The following SAMD8 variants were observed in gnomAD, a reference collection of about 807,000 sequenced individuals.
SAMD8 encodes sphingomyelin synthase-related protein 1.
SAMD8 carries 20 observed loss-of-function variants against 42.0 expected under a neutral mutation model. The observed-to-expected ratio is 0.48, with a 90% CI of 0.34 to 0.69. The LOEUF (loss-of-function observed/expected upper bound fraction) is 0.69. Ranked by LOEUF, SAMD8 falls within the 30% of genes least tolerant of loss-of-function variation. The pLI is 0.01. For synonymous variants in SAMD8, 162 were observed against 173.0 expected (o/e 0.94, Z 0.50); for missense variants, 328 against 511.6 (o/e 0.64, Z 3.46).
chr10:75,162,016 C>T (rs890447241), intron 2 of SAMD8, among the ~76,000 whole-genome samples: 9 of 151,948 alleles, frequency 5.9e-5, no homozygotes, highest in Non-Finnish European at 1.3e-4. Context: ...CCAACCTGGG[C>T]AACAGAGCAA....
chr10:75,143,004 G>A (rs1840055918), intron 1 of SAMD8, among the ~76,000 whole-genome samples: 1 of 151,758 alleles, frequency 6.6e-6, no homozygotes, highest in Admixed American at 6.6e-5. Flanking sequence ...CTTACAACAA[G>A]CAAAGTTAAA....
intron 1 of SAMD8, among the ~76,000 whole-genome samples, chr10:75,101,386 C>T (rs1848147800): frequency 6.6e-6 from 1 of 152,202 alleles, no homozygotes; most frequent in Non-Finnish European, 1.5e-5. Context: ...CCCTTTCCAG[C>T]CCCAGCCATA....
At chr10:75,170,770 GTTTTTTTTTTTT>G (rs34290557) in intron 4 of SAMD8, among the ~76,000 whole-genome samples, 2 of 105,218 alleles carry the variant, frequency 1.9e-5, no homozygotes, top group East Asian at 7.1e-4. Context: ...GTTTTTTTGG[GTTTTTTTTTTTT>G]TTTTTTTTTG....
At chr10:75,107,920 G>T (rs1848614340), upstream of SAMD8, 2 of 1,486,966 alleles carry the variant, frequency 1.3e-6, no homozygotes, top group South Asian at 2.6e-5. Flanking sequence ...GGGCACTGAT[G>T]ACTGAGAGGA....
chr10:75,166,048 A>T (rs1048669856), intron 3 of SAMD8, among the ~76,000 whole-genome samples: 1 of 151,894 alleles, frequency 6.6e-6, no homozygotes, highest in African/African-American at 2.4e-5. Flanking sequence ...GGTTTACTTC[A>T]GATGGTATGG....
intron 4 of SAMD8, among the ~76,000 whole-genome samples, chr10:75,174,148 C>G (rs1202385360): frequency 1.3e-5 from 2 of 152,090 alleles, no homozygotes; most frequent in African/African-American, 4.8e-5. Context: ...GAGTCTCGCT[C>G]TGTCGCCCAG....
At chr10:75,172,843 A>G (rs1171132703) in intron 4 of SAMD8, among the ~76,000 whole-genome samples, 2 of 152,018 alleles carry the variant, frequency 1.3e-5, no homozygotes, top group African/African-American at 2.4e-5. Flanking sequence ...TTTGCTGCTC[A>G]GGCTGGTCTC....
chr10:75,119,657 A>G (rs1033449522), intron 1 of SAMD8, among the ~76,000 whole-genome samples: 6 of 152,254 alleles, frequency 3.9e-5, no homozygotes, highest in Non-Finnish European at 7.3e-5. Context: ...AAGTGAAACT[A>G]CAAGAAAAAT....
At chr10:75,137,610 T>C (rs1359452277) in intron 1 of SAMD8, among the ~76,000 whole-genome samples, 3 of 150,956 alleles carry the variant, frequency 2.0e-5, no homozygotes, top group Admixed American at 2.0e-4. Context: ...CTAAGTGAAA[T>C]GAGACACAAA....
At chr10:75,141,163 C>G (rs1221454696) in intron 1 of SAMD8, among the ~76,000 whole-genome samples, 3 of 152,010 alleles carry the variant, frequency 2.0e-5, no homozygotes, top group Non-Finnish European at 2.9e-5. Context: ...GGCAACATAG[C>G]AAAACCCTGT....
chr10:75,161,529 C>A (rs1452826891), intron 2 of SAMD8, among the ~76,000 whole-genome samples: 1 of 151,112 alleles, frequency 6.6e-6, no homozygotes, highest in East Asian at 1.9e-4. Context: ...AACCAGACGT[C>A]TGAGAAAAAC....
chr10:75,159,316 C>G (rs1262719252), intron 2 of SAMD8, among the ~76,000 whole-genome samples: 1 of 152,168 alleles, frequency 6.6e-6, no homozygotes, highest in African/African-American at 2.4e-5. Flanking sequence ...TCTCAGCCCC[C>G]ACAAAGTGCA....
intron 1 of SAMD8, among the ~76,000 whole-genome samples, chr10:75,116,021 A>G (rs969711999): frequency 6.6e-6 from 1 of 151,932 alleles, no homozygotes; most frequent in African/African-American, 2.4e-5. Flanking sequence ...CCATAAAACA[A>G]TGTTTTATGA....
chr10:75,119,669 C>T (rs1318539027), intron 1 of SAMD8, among the ~76,000 whole-genome samples: 1 of 152,192 alleles, frequency 6.6e-6, no homozygotes, highest in Admixed American at 6.5e-5. Context: ...AAGAAAAATC[C>T]AGCATGTTTA....
At position 75,150,736 on chromosome 10, in the gene SAMD8, C is replaced by T. The variant is rs1471671226; in HGVS notation, c.208C>T (p.Leu70Phe). 11 of 1,614,134 alleles carry T rather than the reference C, an allele frequency of 6.8e-6. No individual in the cohort carries two copies. The highest frequency in any genetic ancestry group is 8.5e-6 in the Non-Finnish European group (10 of 1,179,998). The change falls in exon 2 of 6, where the codon CTC becomes TTC. Residue 70 changes from leucine to phenylalanine, a missense_variant. Physicochemically the swap from Leu to Phe is conservative, Grantham distance 22 (BLOSUM62 0). Coordinates refer to ENST00000542569, the MANE Select transcript of SAMD8 (RefSeq NM_001174156.2). ...KVLGDIKRLM[L>F]SVRKLQKIHI... The stretch of plus-strand genomic sequence containing the variant: ...CTTAGGGGACATTAAAAGGTTAATG[C>T]TCTCAGTCCGAAAATTGCAGAAAAT...
chr10:75,158,303 G>A (rs951404073), intron 2 of SAMD8, among the ~76,000 whole-genome samples: 2 of 151,866 alleles, frequency 1.3e-5, no homozygotes, highest in Admixed American at 1.3e-4. Context: ...TTATTTTAAA[G>A]TATACAGGCT....
At chr10:75,149,091 A>C (rs1357864497) in intron 1 of SAMD8, among the ~76,000 whole-genome samples, 4 of 152,178 alleles carry the variant, frequency 2.6e-5, no homozygotes, top group Non-Finnish European at 5.9e-5. Context: ...ATTTTTAAAA[A>C]ATTATCTCAG....
intron 1 of SAMD8, among the ~76,000 whole-genome samples, chr10:75,138,958 CTTTTTTTT>C (rs201911661): frequency 1.4e-4 from 19 of 133,312 alleles, no homozygotes; most frequent in Middle Eastern, 3.4e-3. Flanking sequence ...GTGGTTTTTT[CTTTTTTTT>C]TTTTTTTTTT....
At chr10:75,147,278 AC>A (rs775248537) in intron 1 of SAMD8, among the ~76,000 whole-genome samples, 33 of 152,312 alleles carry the variant, frequency 2.2e-4, no homozygotes, top group Non-Finnish European at 4.6e-4. Context: ...GGGAATGTTA[AC>A]AGACTAGAAA....
Sources: allele counts gnomAD v4.1 joint callset (sites outside exome capture counted in the v4.1 genomes callset), GRCh38; gene constraint gnomAD v4.1.1; transcripts MANE v1.5; gene names NCBI Gene and HGNC (gene_info 2026-07-23, HGNC 2026-07-21).